Variants in RPS6KC1 observed in about 807,000 individuals in gnomAD.
RPS6KC1 encodes the protein ribosomal protein S6 kinase C1.
RPS6KC1 carries 54 observed loss-of-function variants against 103.8 expected under a neutral mutation model. The observed-to-expected ratio is 0.52, with a 90% CI of 0.42 to 0.65. RPS6KC1 has a LOEUF of 0.65. Among genes scored for constraint, RPS6KC1 ranks in the 30% least tolerant of loss-of-function variants. The probability of loss-of-function intolerance (pLI) is 0.00; values close to 1 mark genes in which losing one functional copy is unlikely to be tolerated. For synonymous variants in RPS6KC1, 439 were observed against 438.7 expected (o/e 1.00, Z -0.01); for missense variants, 1,151 against 1,253.8 (o/e 0.92, Z 1.24).
At chr1:213,766,968 C>T in the RPS6KC1 span, among the ~76,000 whole-genome samples, 3 of 151,892 alleles carry the variant, frequency 2.0e-5, no homozygotes, top group African/African-American at 7.2e-5. Context: ...GCTTTTTTTT[C>T]CTTTCACCTT....
At chr1:213,439,976 T>A in the RPS6KC1 span, among the ~76,000 whole-genome samples, 1 of 152,214 alleles carries the variant, frequency 6.6e-6, no homozygotes, top group African/African-American at 2.4e-5. Context: ...TACATCAGCC[T>A]ATAGAAAGCA....
chr1:213,522,159 G>A, the RPS6KC1 span, among the ~76,000 whole-genome samples: 1 of 152,208 alleles, frequency 6.6e-6, no homozygotes, highest in Admixed American at 6.5e-5. Flanking sequence ...TGTGTTAGCA[G>A]ACATGAAAAC....
chr1:213,623,703 T>C, the RPS6KC1 span, among the ~76,000 whole-genome samples: 74 of 152,266 alleles, frequency 4.9e-4, 1 homozygote, highest in African/African-American at 1.6e-3. Context: ...TGAGTATATG[T>C]TGAAAATTGT....
At chr1:213,327,175 T>G in the RPS6KC1 span, among the ~76,000 whole-genome samples, 2 of 150,972 alleles carry the variant, frequency 1.3e-5, no homozygotes, top group East Asian at 3.9e-4. Flanking sequence ...TGCGGGGGTG[T>G]GAGCCCTAGA....
intron 6 of RPS6KC1, among the ~76,000 whole-genome samples, chr1:213,159,773 G>A (rs2090284552): frequency 6.6e-6 from 1 of 152,028 alleles, no homozygotes; most frequent in Non-Finnish European, 1.5e-5. Flanking sequence ...TTTATTAGTC[G>A]ATCTCTCATC....
At chr1:213,181,812 C>G (rs1360169348) in intron 8 of RPS6KC1, among the ~76,000 whole-genome samples, 1 of 152,154 alleles carries the variant, frequency 6.6e-6, no homozygotes, top group Non-Finnish European at 1.5e-5. Flanking sequence ...TGTTGCTGAC[C>G]AGCCTACCCT....
At chr1:213,499,861 AG>A in the RPS6KC1 span, among the ~76,000 whole-genome samples, 2 of 152,300 alleles carry the variant, frequency 1.3e-5, no homozygotes, top group Admixed American at 6.5e-5. Flanking sequence ...ACATAGAAAA[AG>A]TACAGTAAAA....
At chr1:213,503,448 C>T in the RPS6KC1 span, among the ~76,000 whole-genome samples, 4 of 152,176 alleles carry the variant, frequency 2.6e-5, no homozygotes, top group African/African-American at 9.7e-5. Flanking sequence ...ACAAGGCATT[C>T]CCCTTCAGCA....
chr1:213,171,868 CA>C (rs1340889045), intron 7 of RPS6KC1, among the ~76,000 whole-genome samples: 1 of 152,150 alleles, frequency 6.6e-6, no homozygotes, highest in Non-Finnish European at 1.5e-5. Flanking sequence ...AAAGTCTTTG[CA>C]AAGCCAAAAA....
the RPS6KC1 span, among the ~76,000 whole-genome samples, chr1:213,815,602 A>C: frequency 2.0e-5 from 3 of 152,240 alleles, no homozygotes; most frequent in East Asian, 5.8e-4. Context: ...AGATCACTGC[A>C]ATAAAGCAAA....
the RPS6KC1 span, among the ~76,000 whole-genome samples, chr1:213,704,916 C>T: frequency 6.6e-6 from 1 of 152,240 alleles, no homozygotes; most frequent in Non-Finnish European, 1.5e-5. Context: ...CAGAAGAATT[C>T]TCTGGATTAC....
intron 8 of RPS6KC1, among the ~76,000 whole-genome samples, chr1:213,200,977 C>A (rs981346962): frequency 6.6e-6 from 1 of 151,982 alleles, no homozygotes; most frequent in South Asian, 2.1e-4. Flanking sequence ...CAGAGGGTGG[C>A]GGGTGGGAGG....
At chr1:213,364,575 T>C in the RPS6KC1 span, among the ~76,000 whole-genome samples, 4,686 of 152,176 alleles carry the variant, frequency 0.031, 256 homozygotes, top group African/African-American at 0.11. Flanking sequence ...ACTGCTTGTC[T>C]GTCTTTAAAC....
the RPS6KC1 span, among the ~76,000 whole-genome samples, chr1:213,787,182 G>C: frequency 2.6e-5 from 4 of 152,106 alleles, no homozygotes; most frequent in African/African-American, 4.8e-5. Flanking sequence ...AGCATCTTCT[G>C]TGTGTTAGGC....
the RPS6KC1 span, among the ~76,000 whole-genome samples, chr1:213,429,524 T>C: frequency 6.6e-6 from 1 of 152,194 alleles, no homozygotes; most frequent in Admixed American, 6.5e-5. Context: ...TATTGGAAAA[T>C]GTTCTCTGAC....
chr1:213,292,977 GA>G, the RPS6KC1 span, among the ~76,000 whole-genome samples: 21 of 152,324 alleles, frequency 1.4e-4, no homozygotes, highest in African/African-American at 4.8e-4. Context: ...AAAAAAATGT[GA>G]AAAGTTTACT....
the RPS6KC1 span, among the ~76,000 whole-genome samples, chr1:213,649,686 G>T: frequency 1.3e-5 from 2 of 151,782 alleles, no homozygotes; most frequent in Admixed American, 1.3e-4. Context: ...TTTCCACGTT[G>T]TTGTGCTTTT....
chr1:213,407,214 G>GTGCACA, the RPS6KC1 span, among the ~76,000 whole-genome samples: 3 of 18,392 alleles, frequency 1.6e-4, no homozygotes, highest in Middle Eastern at 0.025. Context: ...TTACATGCAC[G>GTGCACA]CGCGCACACA....
chr1:213,308,168 G>A, the RPS6KC1 span, among the ~76,000 whole-genome samples: 1 of 151,976 alleles, frequency 6.6e-6, no homozygotes, highest in Non-Finnish European at 1.5e-5. Flanking sequence ...AAAAAAATGA[G>A]CTGGATGTGG....
Sources: gnomAD v4.1 joint callset for allele counts (sites outside exome capture counted in the v4.1 genomes callset) on GRCh38, gnomAD v4.1.1 for gene constraint, MANE v1.5 for transcripts, NCBI Gene and HGNC (gene_info 2026-07-23, HGNC 2026-07-21) for gene names.